Variants in POU2F1 observed in about 807,000 individuals in gnomAD.
The protein encoded by POU2F1 is POU domain, class 2, transcription factor 1.
Under a neutral mutation model 84.9 loss-of-function variants are expected in POU2F1, and 16 were observed. The observed-to-expected ratio is 0.19, with a 90% CI of 0.13 to 0.29. The LOEUF is 0.29. Among genes scored for constraint, POU2F1 ranks in the 10% least tolerant of loss-of-function variants. POU2F1 has a pLI of 1.00. For missense variants in POU2F1, 738 were observed against 942.6 expected, an observed-to-expected ratio of 0.78 and a Z score of 2.84; for synonymous variants, 368 against 368.3, an observed-to-expected ratio of 1.00 and a Z score of 0.01.
chr1:167,269,176 AAAAG>A (rs1416662656), intron 1 of POU2F1, among the ~76,000 whole-genome samples: 2 of 152,246 alleles, frequency 1.3e-5, no homozygotes, highest in African/African-American at 4.8e-5. Context: ...GAAATTAAAA[AAAAG>A]AAGTAACCTA....
chr1:167,379,249 A>G (rs1437112209), intron 7 of POU2F1: 1 of 152,210 alleles, frequency 6.6e-6, no homozygotes, highest in Non-Finnish European at 1.5e-5. Flanking sequence ...AGAGGAGTCT[A>G]ATGTGAATGG....
chr1:167,354,254 A>G (rs1179959977), intron 2 of POU2F1, among the ~76,000 whole-genome samples: 4 of 152,128 alleles, frequency 2.6e-5, no homozygotes, highest in African/African-American at 7.2e-5. Context: ...CTCTTGATAC[A>G]TATTGTGAAA....
At chr1:167,378,685 C>T (rs765809525) in intron 7 of POU2F1, among the ~76,000 whole-genome samples, 1 of 152,112 alleles carries the variant, frequency 6.6e-6, no homozygotes, top group Non-Finnish European at 1.5e-5. Context: ...GGATTACAGG[C>T]GTTAGCCACT....
intron 2 of POU2F1, among the ~76,000 whole-genome samples, chr1:167,361,917 T>C (rs1202468829): frequency 6.6e-6 from 1 of 152,184 alleles, no homozygotes; most frequent in Non-Finnish European, 1.5e-5. Flanking sequence ...CTTTTCCAAC[T>C]GCTCCTTCTG....
intron 7 of POU2F1, among the ~76,000 whole-genome samples, chr1:167,381,294 A>G (rs1223466486): frequency 6.6e-6 from 1 of 152,102 alleles, no homozygotes; most frequent in Non-Finnish European, 1.5e-5. Flanking sequence ...CGTGTTAGCC[A>G]GGATGGTCTC....
intron 2 of POU2F1, among the ~76,000 whole-genome samples, chr1:167,346,182 A>T (rs533875930): frequency 4.1e-4 from 62 of 151,896 alleles, no homozygotes; most frequent in African/African-American, 8.7e-4. Context: ...ATTTTTTTTT[A>T]AAAAAAGAAT....
chr1:167,318,775 G>A (rs1180332989), intron 1 of POU2F1, among the ~76,000 whole-genome samples: 2 of 152,226 alleles, frequency 1.3e-5, no homozygotes, highest in Non-Finnish European at 2.9e-5. Context: ...AGTGAGATGG[G>A]CCTCTAACAT....
rs1279073319 is a variant in POU2F1 at position 167,418,646 on chromosome 1, G to A, written c.*2836G>A. 1 of 152,168 alleles carries A rather than the reference G, an allele frequency of 6.6e-6. No individual in the cohort carries two copies. The highest frequency in any genetic ancestry group is 1.5e-5 in the Non-Finnish European group (1 of 68,034). 9.4% of individuals were successfully genotyped at this position (152,168 alleles called of 1,614,324 possible). A position where few individuals can be genotyped will look rare whatever the true frequency, so the allele number is the denominator to read the frequency against. ...GAGGTAAGACAAAGGGCAAGGAAAG[G>A]CTGTTTGGGTGGTTTTTTTTTCCCC... On this transcript the variant is annotated 3_prime_UTR_variant, in exon 16 of 16. Transcript: ENST00000367866.
At chr1:167,312,554 A>G (rs952782737) in intron 1 of POU2F1, among the ~76,000 whole-genome samples, 1 of 152,122 alleles carries the variant, frequency 6.6e-6, no homozygotes, top group African/African-American at 2.4e-5. Flanking sequence ...TTTTTTAATG[A>G]AAAGTTTATA....
At chr1:167,350,488 A>G (rs1352279981) in intron 2 of POU2F1, among the ~76,000 whole-genome samples, 1 of 152,154 alleles carries the variant, frequency 6.6e-6, no homozygotes, top group Non-Finnish European at 1.5e-5. Flanking sequence ...GCTAAAGAAC[A>G]TGGGGAACTG....
chr1:167,347,328 C>A (rs1356423466), intron 2 of POU2F1, among the ~76,000 whole-genome samples: 1 of 152,156 alleles, frequency 6.6e-6, no homozygotes, highest in African/African-American at 2.4e-5. Flanking sequence ...TTCACAAACT[C>A]ATGTTCCAAA....
At chr1:167,337,079 C>T (rs1657514655) in intron 2 of POU2F1, among the ~76,000 whole-genome samples, 1 of 151,674 alleles carries the variant, frequency 6.6e-6, no homozygotes, top group African/African-American at 2.4e-5. Context: ...AGGAGAATTG[C>T]TTGACCTCAG....
chr1:167,273,561 A>G (rs1028727010), intron 1 of POU2F1, among the ~76,000 whole-genome samples: 2 of 152,244 alleles, frequency 1.3e-5, no homozygotes, highest in African/African-American at 4.8e-5. Context: ...GAAGCTGCCA[A>G]GGCTTACAAC....
At chr1:167,280,839 A>G (rs1421374499) in intron 1 of POU2F1, among the ~76,000 whole-genome samples, 2 of 152,206 alleles carry the variant, frequency 1.3e-5, no homozygotes, top group Non-Finnish European at 2.9e-5. Flanking sequence ...CCTCATGCCA[A>G]AGGCGTTTAT....
chr1:167,338,920 T>G (rs12759914), intron 2 of POU2F1, among the ~76,000 whole-genome samples: 15,311 of 152,252 alleles, frequency 0.1, 1,961 homozygotes, highest in African/African-American at 0.3. Context: ...AATTCTTTGG[T>G]TTATATACCT....
At chr1:167,250,558 TC>T (rs766059102) in intron 1 of POU2F1, among the ~76,000 whole-genome samples, 2 of 152,194 alleles carry the variant, frequency 1.3e-5, no homozygotes, top group Non-Finnish European at 2.9e-5. Flanking sequence ...TTGTTGACAT[TC>T]CCCTCAGAGG....
At chr1:167,390,926 A>G (rs942203797) in intron 9 of POU2F1, among the ~76,000 whole-genome samples, 1 of 152,250 alleles carries the variant, frequency 6.6e-6, no homozygotes, top group African/African-American at 2.4e-5. Flanking sequence ...GCAAGAATCT[A>G]TAGAAGATGA....
chr1:167,232,422 T>C (rs1649130850), intron 1 of POU2F1, among the ~76,000 whole-genome samples: 1 of 152,148 alleles, frequency 6.6e-6, no homozygotes, highest in Non-Finnish European at 1.5e-5. Context: ...AGGTAAAAAT[T>C]TAAAAAATTT....
intron 1 of POU2F1, among the ~76,000 whole-genome samples, chr1:167,280,681 A>G (rs1653068876): frequency 6.6e-6 from 1 of 152,084 alleles, no homozygotes; most frequent in African/African-American, 2.4e-5. Context: ...TTTTCTTCCC[A>G]TTTCACTAAG....
Sources: allele counts gnomAD v4.1 joint callset (sites outside exome capture counted in the v4.1 genomes callset), GRCh38; gene constraint gnomAD v4.1.1; transcripts MANE v1.5; gene names NCBI Gene and HGNC (gene_info 2026-07-23, HGNC 2026-07-21).